LPP: variants seen among roughly 807,000 people sequenced by gnomAD.
The protein encoded by LPP is LIM domain containing preferred translocation partner in lipoma.
Under a neutral mutation model 60.4 loss-of-function variants are expected in LPP, and 38 were observed. That is an observed-to-expected ratio of 0.63 (90% CI 0.49 to 0.83). LPP has a LOEUF of 0.83. Among genes scored for constraint, LPP ranks in the 40% least tolerant of loss-of-function variants. The pLI is 0.00. For synonymous variants in LPP, 328 were observed against 290.8 expected (o/e 1.13, Z -1.30); for missense variants, 902 against 783.6 (o/e 1.15, Z -1.80).
chr3:188,334,213 T>A (rs1760942995), intron 2 of LPP, among the ~76,000 whole-genome samples: 1 of 152,224 alleles, frequency 6.6e-6, no homozygotes, highest in South Asian at 2.1e-4. Context: ...CATTTTTTTA[T>A]GGCTGAATAG....
At chr3:188,670,498 CT>C (rs1856755986) in intron 7 of LPP, among the ~76,000 whole-genome samples, 1 of 151,562 alleles carries the variant, frequency 6.6e-6, no homozygotes, top group Admixed American at 6.6e-5. Flanking sequence ...TTTTTCCACC[CT>C]TTTAGTTCTG....
chr3:188,203,100 A>T (rs998749872), intron 1 of LPP, among the ~76,000 whole-genome samples: 8 of 142,750 alleles, frequency 5.6e-5, no homozygotes, highest in Non-Finnish European at 9.1e-5. Flanking sequence ...TAGTAAAAAT[A>T]TTTATTTATA....
chr3:188,473,085 C>T (rs1802269827), intron 4 of LPP, among the ~76,000 whole-genome samples: 1 of 152,104 alleles, frequency 6.6e-6, no homozygotes, highest in African/African-American at 2.4e-5. Flanking sequence ...AGTTATTGGA[C>T]TAGTTCAATG....
chr3:188,716,642 T>C (rs1714123188), intron 8 of LPP, among the ~76,000 whole-genome samples: 1 of 152,176 alleles, frequency 6.6e-6, no homozygotes, highest in African/African-American at 2.4e-5. Flanking sequence ...ATTCAAAAAT[T>C]AGCAACAAAG....
intron 9 of LPP, among the ~76,000 whole-genome samples, chr3:188,839,163 T>G (rs1314377746): frequency 6.6e-6 from 1 of 152,224 alleles, no homozygotes; most frequent in Non-Finnish European, 1.5e-5. Flanking sequence ...GAGAGAACCC[T>G]GACTGCACCT....
chr3:188,416,552 C>T (rs898646840), intron 4 of LPP, among the ~76,000 whole-genome samples: 2 of 152,184 alleles, frequency 1.3e-5, no homozygotes, highest in African/African-American at 4.8e-5. Context: ...TGAGAGTGTA[C>T]TCTTCCTCCC....
chr3:188,435,697 A>G (rs914718401), intron 4 of LPP, among the ~76,000 whole-genome samples: 1 of 152,204 alleles, frequency 6.6e-6, no homozygotes, highest in African/African-American at 2.4e-5. Context: ...ATTGGAAATA[A>G]TCTCTGTGAT....
At chr3:188,709,411 T>C (rs1235190304) in intron 8 of LPP, 2 of 152,154 alleles carry the variant, frequency 1.3e-5, no homozygotes, top group Non-Finnish European at 2.9e-5. Context: ...GGCTAGAGTA[T>C]ACTGGCGTGA....
rs539524033 is a variant in LPP at position 188,176,246 on chromosome 3, G to A, written c.-190+21994G>A. 3.3e-5 allele frequency among the ~76,000 whole-genome samples: 5 copies of A among 152,220 alleles called. No individual in the cohort carries two copies. In the South Asian group the frequency reaches 1.0e-3, roughly 32 times the overall value. Reference sequence around the variant, plus strand: ...TTTCATTTCTAAGAAGCTCACAGGTGCTACTAATGTTGAAGAGAACCTATG... The same window carrying A: ...TTTCATTTCTAAGAAGCTCACAGGTACTACTAATGTTGAAGAGAACCTATG... On this transcript the variant is annotated intron_variant, in intron 1 of 11. Transcript: ENST00000617246.
intron 7 of LPP, among the ~76,000 whole-genome samples, chr3:188,645,602 G>A (rs1580663291): frequency 6.6e-6 from 1 of 152,222 alleles, no homozygotes; most frequent in South Asian, 2.1e-4. Flanking sequence ...GTGTGGGAAC[G>A]TGGATCCCTT....
At chr3:188,345,515 G>A (rs988764515) in intron 3 of LPP, among the ~76,000 whole-genome samples, 2 of 152,090 alleles carry the variant, frequency 1.3e-5, no homozygotes, top group Non-Finnish European at 2.9e-5. Flanking sequence ...AAAAAAAGAA[G>A]ACAGATGAGG....
intron 8 of LPP, among the ~76,000 whole-genome samples, chr3:188,733,058 G>A (rs1577250649): frequency 6.6e-6 from 1 of 151,978 alleles, no homozygotes; most frequent in African/African-American, 2.4e-5. Flanking sequence ...AAAAAGGGCT[G>A]GAACTGGCTG....
intron 7 of LPP, among the ~76,000 whole-genome samples, chr3:188,660,313 C>G (rs1027896203): frequency 6.6e-6 from 1 of 152,142 alleles, no homozygotes; most frequent in Non-Finnish European, 1.5e-5. Flanking sequence ...AACCTAAGAT[C>G]TGGGGAGCCA....
At chr3:188,310,181 A>G (rs1432838772) in intron 2 of LPP, among the ~76,000 whole-genome samples, 1 of 150,948 alleles carries the variant, frequency 6.6e-6, no homozygotes, top group African/African-American at 2.4e-5. Context: ...ATTTGTTTCT[A>G]TCAGGATAGA....
intron 4 of LPP, among the ~76,000 whole-genome samples, chr3:188,457,535 C>T (rs1797989389): frequency 6.6e-6 from 1 of 151,920 alleles, no homozygotes; most frequent in Non-Finnish European, 1.5e-5. Flanking sequence ...GAAATGCTCC[C>T]ATGTTTGGAA....
At chr3:188,785,535 C>CATATATATATAT (rs369062490) in intron 9 of LPP, among the ~76,000 whole-genome samples, 569 of 15,658 alleles carry the variant, frequency 0.036, 102 homozygotes, top group African/African-American at 0.13. Context: ...TATATTCCAT[C>CATATATATATAT]ATATATATAT....
intron 2 of LPP, among the ~76,000 whole-genome samples, chr3:188,243,967 C>G (rs112415004): frequency 1.4e-3 from 213 of 152,244 alleles, no homozygotes; most frequent in Non-Finnish European, 2.2e-3. Flanking sequence ...CCTCCACTTC[C>G]CGGGTTCAAG....
rs113046004 is a variant in LPP, at chr3:188,256,318, T to C, written c.-67+30791T>C. Among the ~76,000 whole-genome samples, 330 of 152,326 alleles carry C rather than the reference T, an allele frequency of 2.2e-3. 4 individuals are homozygous for C. The highest frequency in any genetic ancestry group is 7.5e-3 in the Admixed American group (114 of 15,300). ...ATTAAATCTTAGTTATTACAGTTTG[T>C]TAGCTAGATAACTTTGGGTTGACCA... On this transcript the variant is annotated intron_variant, in intron 2 of 11. Transcript: ENST00000617246.
intron 4 of LPP, among the ~76,000 whole-genome samples, chr3:188,460,557 G>T (rs1426731986): frequency 6.6e-6 from 1 of 152,258 alleles, no homozygotes; most frequent in East Asian, 1.9e-4. Flanking sequence ...TATTCCTTGT[G>T]CAGGGCAGTA....
Sources: gnomAD v4.1 joint callset for allele counts (sites outside exome capture counted in the v4.1 genomes callset) on GRCh38, gnomAD v4.1.1 for gene constraint, MANE v1.5 for transcripts, NCBI Gene and HGNC (gene_info 2026-07-23, HGNC 2026-07-21) for gene names.